Variants in FAM13B observed in about 807,000 individuals in gnomAD.
The protein encoded by FAM13B is protein FAM13B.
In FAM13B, 60 loss-of-function variants were observed where a neutral mutation model predicts 117.3. The ratio of observed to expected loss-of-function variants is 0.51; its 90% CI spans 0.42 to 0.63. The LOEUF (loss-of-function observed/expected upper bound fraction) is 0.63. Ranked by LOEUF, FAM13B falls within the 30% of genes least tolerant of loss-of-function variation. The probability of loss-of-function intolerance (pLI) is 0.00; values close to 1 mark genes in which losing one functional copy is unlikely to be tolerated. For synonymous variants in FAM13B, 332 were observed against 356.1 expected, an observed-to-expected ratio of 0.93 and a Z score of 0.76; for missense variants, 972 against 1,091.9, an observed-to-expected ratio of 0.89 and a Z score of 1.55.
intron 10 of FAM13B, among the ~76,000 whole-genome samples, chr5:137,970,633 G>A (rs1371549186): frequency 1.3e-5 from 2 of 152,076 alleles, no homozygotes; most frequent in Non-Finnish European, 2.9e-5. Context: ...ATGTAAATGG[G>A]CTAAATGCTC....
intron 7 of FAM13B, among the ~76,000 whole-genome samples, chr5:137,997,817 T>C (rs1190281830): frequency 1.3e-5 from 2 of 152,246 alleles, no homozygotes; most frequent in African/African-American, 4.8e-5. Context: ...AAACCGTCTA[T>C]GAAAGAGTTA....
In FAM13B at chr5:138,018,441, G is replaced by A. The variant is rs1456634211; in HGVS notation, c.231C>T (p.Tyr77=). 6.8e-6 allele frequency: 11 copies of A among 1,613,978 alleles called. No individual in the cohort carries two copies. Among genetic ancestry groups the A allele is most frequent in the Admixed American group, 3.3e-5 (2 of 59,976 alleles). ...CCAAATCCACCTCTTCTCCGCTGTC[G>A]TATCTCTGCCGAAGCCACTCCACTG... ...AETVEWLRQR[Y]DSGEEVDLVK... is the part of the protein sequence containing the mutation. The change falls in exon 4 of 24, where the codon TAC becomes TAT. Residue 77 remains tyrosine (Y), a synonymous_variant. Transcript: ENST00000689681.
At chr5:138,006,776 T>C (rs899746402) in intron 7 of FAM13B, among the ~76,000 whole-genome samples, 2 of 152,196 alleles carry the variant, frequency 1.3e-5, no homozygotes, top group African/African-American at 4.8e-5. Flanking sequence ...CAAGAAATAT[T>C]TGTAAGAAGT....
At chr5:137,963,440 G>A (rs1768744203) in intron 10 of FAM13B, among the ~76,000 whole-genome samples, 1 of 152,194 alleles carries the variant, frequency 6.6e-6, no homozygotes, top group Non-Finnish European at 1.5e-5. Flanking sequence ...TACCATAAAT[G>A]AGTTTGTTAA....
At chr5:137,958,669 A>G (rs1244178244) in intron 13 of FAM13B, among the ~76,000 whole-genome samples, 4 of 152,220 alleles carry the variant, frequency 2.6e-5, no homozygotes, top group African/African-American at 9.6e-5. Context: ...TCTCTTTACC[A>G]AAGTGTATGA....
At chr5:137,951,209 C>CAAAAAAAAAAAA (rs1158310740) in intron 17 of FAM13B, among the ~76,000 whole-genome samples, 1 of 63,236 alleles carries the variant, frequency 1.6e-5, no homozygotes, top group Admixed American at 2.4e-4. Context: ...CTGTCTCAAA[C>CAAAAAAAAAAAA]AAAAAAAAAA....
chr5:137,942,353 T>C (rs1468023145), intron 22 of FAM13B: 1 of 305,784 alleles, frequency 3.3e-6, no homozygotes, highest in Non-Finnish European at 6.0e-6. Context: ...AAATCAACTG[T>C]AGGATTTTAT....
chr5:138,018,507 C>G lies in FAM13B; in HGVS notation c.165G>C (p.Leu55=). 1.2e-6 allele frequency: 2 copies of G among 1,613,968 alleles called. No homozygotes were observed. Among genetic ancestry groups the G allele is most frequent in the Non-Finnish European group, 1.7e-6 (2 of 1,179,954 alleles). Residue 55 remains leucine, a synonymous_variant, in exon 4 of 24, where the codon CTG becomes CTC. Coordinates refer to ENST00000689681, the MANE Select transcript of FAM13B (RefSeq NM_001385994.1). ...TGACTTGAAAAAGTCCTTGTTGCTC[C>G]AGACCTCCTACGTTAGTTCAAGGCA... ...VVDYIEEHGG[L]EQQGLFQVNG...
intron 7 of FAM13B, among the ~76,000 whole-genome samples, chr5:137,989,955 G>T (rs910006276): frequency 6.6e-6 from 1 of 152,040 alleles, no homozygotes; most frequent in African/African-American, 2.4e-5. Context: ...TATTTCTAGC[G>T]GTTTCCTGTG....
intron 20 of FAM13B, among the ~76,000 whole-genome samples, chr5:137,944,671 T>C (rs576558331): frequency 1.2e-4 from 18 of 151,298 alleles, no homozygotes; most frequent in African/African-American, 2.7e-4. Context: ...AGGTGAAAAA[T>C]TGCTTGAACC....
Position 137,959,605 on chromosome 5 carries a change from G to A in FAM13B, c.1441+11C>T, listed in dbSNP as rs1044903032. 1.2e-6 allele frequency: 2 copies of A among 1,613,272 alleles called. No homozygotes were observed. The highest frequency in any genetic ancestry group is 2.7e-5 in the African/African-American group (2 of 74,966). ...CATTATCAGGAAAATAATGCGTGTG[G>A]GTAAAATTACCTTCCCATTTATCAC... On this transcript the variant is annotated intron_variant, in intron 13 of 23. Transcript: ENST00000689681.
At chr5:138,024,347 A>T (rs976351910) in intron 1 of FAM13B, among the ~76,000 whole-genome samples, 2 of 152,152 alleles carry the variant, frequency 1.3e-5, no homozygotes, top group Admixed American at 6.5e-5. Flanking sequence ...AGACAGGGAG[A>T]AACTGGAGTT....
chr5:137,957,054 T>G (rs1452375969), intron 13 of FAM13B, among the ~76,000 whole-genome samples: 1 of 152,192 alleles, frequency 6.6e-6, no homozygotes, highest in Admixed American at 6.5e-5. Context: ...TACTGCATTC[T>G]GCTATTTTTC....
intron 4 of FAM13B, among the ~76,000 whole-genome samples, chr5:138,017,842 T>C (rs936875655): frequency 3.3e-5 from 5 of 152,226 alleles, no homozygotes; most frequent in African/African-American, 7.2e-5. Flanking sequence ...AAGAACAAGT[T>C]TTAGGTATAT....
At position 137,987,606 on chromosome 5, in the gene FAM13B, T is replaced by C; in HGVS notation, c.901A>G (p.Arg301Gly). The C allele has an allele frequency of 1.9e-6, 3 of 1,610,062 alleles. No homozygotes were observed. Among genetic ancestry groups the C allele is most frequent in the Non-Finnish European group, 2.5e-6 (3 of 1,178,416 alleles). ...ILPASTDILE[R>G]TIRAAVEQHL... ...TGTTCCACAGCTGCTCTAATTGTTCTTTCTAAAATACTACAAAACAACACG... is the reference window on the plus strand; with the variant it reads ...TGTTCCACAGCTGCTCTAATTGTTCCTTCTAAAATACTACAAAACAACACG... The change falls in exon 9 of 24, where the codon AGA (arginine) becomes GGA (glycine). Residue 301 changes from arginine to glycine, a missense_variant. Transcript: ENST00000689681.
At chr5:137,970,238 C>T (rs1483215893) in intron 10 of FAM13B, among the ~76,000 whole-genome samples, 2 of 151,814 alleles carry the variant, frequency 1.3e-5, no homozygotes, top group East Asian at 3.8e-4. Flanking sequence ...CAAAGGGAAG[C>T]CCATCAGACT....
chr5:137,948,404 T>TATTG (rs1482634931), intron 18 of FAM13B, among the ~76,000 whole-genome samples: 8 of 147,796 alleles, frequency 5.4e-5, no homozygotes, highest in Admixed American at 1.3e-4. Context: ...TTTCATGCTT[T>TATTG]ATTTATTTAT....
intron 9 of FAM13B, among the ~76,000 whole-genome samples, chr5:137,987,003 A>C (rs1228684821): frequency 6.6e-6 from 1 of 152,184 alleles, no homozygotes; most frequent in Non-Finnish European, 1.5e-5. Flanking sequence ...TAAGCAGGGG[A>C]GAGGCTGGTG....
At chr5:138,032,403 A>C (rs1319048519) in intron 1 of FAM13B, among the ~76,000 whole-genome samples, 1 of 152,214 alleles carries the variant, frequency 6.6e-6, no homozygotes, top group Non-Finnish European at 1.5e-5. Flanking sequence ...ACTGCCCAGC[A>C]TGAAGGAAGT....
Sources: allele counts gnomAD v4.1 joint callset (sites outside exome capture counted in the v4.1 genomes callset), GRCh38; gene constraint gnomAD v4.1.1; transcripts MANE v1.5; gene names NCBI Gene and HGNC (gene_info 2026-07-23, HGNC 2026-07-21).